ZNF804A: variants seen among roughly 807,000 people sequenced by gnomAD.
ZNF804A encodes zinc finger protein 804A.
Under a neutral mutation model 16.5 loss-of-function variants are expected in ZNF804A, and 2 were observed. That is an observed-to-expected ratio of 0.12 (90% CI 0.05 to 0.38). The LOEUF (loss-of-function observed/expected upper bound fraction) is 0.38, where lower values mean the gene tolerates loss of function less well. ZNF804A is among the 10% of genes least tolerant of loss of function. The pLI, the probability that ZNF804A is intolerant of heterozygous loss-of-function variation, is 0.99. For synonymous variants in ZNF804A, 534 were observed against 489.6 expected, an observed-to-expected ratio of 1.09 and a Z score of -1.20; for missense variants, 1,473 against 1,390.7, an observed-to-expected ratio of 1.06 and a Z score of -0.94.
rs368984918 is a variant in ZNF804A, at chr2:184,936,513, C to A, written c.1117C>A (p.Gln373Lys). Residue 373 changes from glutamine to lysine, a missense_variant, in exon 4 of 4, where the codon CAA becomes AAA. By Grantham distance (53) the Gln-to-Lys change is moderately conservative (BLOSUM62 1). Transcript: ENST00000302277. Reference protein sequence around the residue: ...LDMSNDCISVQATTEENVKHN... With the variant: ...LDMSNDCISVKATTEENVKHN... Reference sequence around the variant, plus strand: ...CATGTCTAATGATTGCATATCTGTGCAAGCTACCACAGAGGAAAATGTTAA... The same window carrying A: ...CATGTCTAATGATTGCATATCTGTGAAAGCTACCACAGAGGAAAATGTTAA... 21 of 1,613,754 alleles carry A rather than the reference C, an allele frequency of 1.3e-5. No homozygotes were observed. Among genetic ancestry groups the A allele is most frequent in the Non-Finnish European group, 1.6e-5 (19 of 1,179,926 alleles).
At chr2:184,851,806 G>C (rs367848579) in intron 1 of ZNF804A, among the ~76,000 whole-genome samples, 1 of 151,880 alleles carries the variant, frequency 6.6e-6, no homozygotes. Flanking sequence ...CCCACCAACA[G>C]AACACAAGGG....
intron 1 of ZNF804A, among the ~76,000 whole-genome samples, chr2:184,637,943 T>C (rs1033040049): frequency 6.6e-6 from 1 of 152,164 alleles, no homozygotes; most frequent in Non-Finnish European, 1.5e-5. Context: ...AACTGGAGAA[T>C]GGTGTTTTCC....
intron 1 of ZNF804A, among the ~76,000 whole-genome samples, chr2:184,713,458 C>G (rs926130132): frequency 6.6e-6 from 1 of 151,572 alleles, no homozygotes; most frequent in Non-Finnish European, 1.5e-5. Flanking sequence ...CATGAACCAT[C>G]TAAAAAAAAA....
intron 1 of ZNF804A, among the ~76,000 whole-genome samples, chr2:184,740,415 C>G (rs62176235): frequency 6.6e-6 from 1 of 152,192 alleles, no homozygotes; most frequent in African/African-American, 2.4e-5. Context: ...TTAGTGAACA[C>G]TATCCAAAGA....
chr2:184,780,445 T>G (rs1311431815), intron 1 of ZNF804A, among the ~76,000 whole-genome samples: 1 of 151,804 alleles, frequency 6.6e-6, no homozygotes, highest in African/African-American at 2.4e-5. Flanking sequence ...ATCTGAGAAC[T>G]GAAAACTGAG....
At chr2:184,662,699 G>T (rs1439103899) in intron 1 of ZNF804A, among the ~76,000 whole-genome samples, 2 of 152,088 alleles carry the variant, frequency 1.3e-5, no homozygotes, top group East Asian at 1.9e-4. Flanking sequence ...AATAATAATT[G>T]TACCTTTAAA....
chr2:184,935,662 T>C, intron 3 of ZNF804A, 121 bp from the exon 4 acceptor site: 1 of 1,178,360 alleles, frequency 8.5e-7, no homozygotes, highest in Non-Finnish European at 1.1e-6. Context: ...AAGGCAATTC[T>C]GTCACAAAGA....
chr2:184,891,498 G>T (rs758365524), intron 2 of ZNF804A, among the ~76,000 whole-genome samples: 1 of 152,076 alleles, frequency 6.6e-6, no homozygotes, highest in African/African-American at 2.4e-5. Context: ...ATAATAGAAA[G>T]AAATTACAGA....
intron 1 of ZNF804A, among the ~76,000 whole-genome samples, chr2:184,811,981 A>G (rs958927601): frequency 2.0e-5 from 3 of 152,190 alleles, no homozygotes; most frequent in African/African-American, 7.2e-5. Flanking sequence ...TCAAACATGG[A>G]CAAAGTTTTA....
At chr2:184,930,979 G>A (rs1685689222) in intron 2 of ZNF804A, among the ~76,000 whole-genome samples, 1 of 152,174 alleles carries the variant, frequency 6.6e-6, no homozygotes, top group Admixed American at 6.5e-5. Context: ...CAATCATGGT[G>A]GAAGGTGAAG....
rs147355027 is a variant in ZNF804A, at chr2:184,656,457, C to A, written c.111+57387C>A. 7.6e-3 allele frequency among the ~76,000 whole-genome samples: 1,157 copies of A among 151,984 alleles called. 19 individuals carry two copies. The highest frequency in any genetic ancestry group is 0.027 in the African/African-American group (1,100 of 41,450). ...TACCATCTGTGTGGCATGTTTACTT[C>A]TATGAAGAAATTAAGCAAAGGTGGC... On this transcript the variant is annotated intron_variant, in intron 1 of 3. Coordinates refer to ENST00000302277, the MANE Select transcript of ZNF804A (RefSeq NM_194250.2).
intron 1 of ZNF804A, among the ~76,000 whole-genome samples, chr2:184,632,460 A>C (rs1340550493): frequency 2.0e-5 from 3 of 152,260 alleles, no homozygotes; most frequent in Middle Eastern, 3.4e-3. Context: ...ACTGGAGGCA[A>C]TCTCAGCTTA....
chr2:184,648,492 AAAAC>A (rs1020344325), intron 1 of ZNF804A, among the ~76,000 whole-genome samples: 19 of 152,020 alleles, frequency 1.2e-4, no homozygotes, highest in Admixed American at 7.2e-4. Flanking sequence ...TAAAAACAAC[AAAAC>A]AAACAAACTA....
chr2:184,733,536 A>G (rs544466281), intron 1 of ZNF804A, among the ~76,000 whole-genome samples: 15 of 152,136 alleles, frequency 9.9e-5, no homozygotes, highest in African/African-American at 2.4e-4. Context: ...GGCCTCATGG[A>G]ATGGCTTAGG....
chr2:184,629,337 A>T (rs768886660), intron 1 of ZNF804A, among the ~76,000 whole-genome samples: 2 of 152,140 alleles, frequency 1.3e-5, no homozygotes, highest in Non-Finnish European at 2.9e-5. Flanking sequence ...AGGGAAACCT[A>T]TAGCCATAAA....
rs140682939 is a variant in ZNF804A, at chr2:184,678,791, A to G, written c.111+79721A>G. 9.0e-3 allele frequency among the ~76,000 whole-genome samples: 1,372 copies of G among 152,334 alleles called. 22 individuals are homozygous for G. The highest frequency in any genetic ancestry group is 0.032 in the African/African-American group (1,314 of 41,564). On this transcript the variant is annotated intron_variant, in intron 1 of 3. Coordinates refer to ENST00000302277, the MANE Select transcript of ZNF804A (RefSeq NM_194250.2). ...GAATGCTACAGACATACCAAAATGT[A>G]TGTGTAACACTATATACTGAAGAGG...
intron 1 of ZNF804A, among the ~76,000 whole-genome samples, chr2:184,757,610 T>G (rs1189177602): frequency 6.6e-6 from 1 of 152,016 alleles, no homozygotes. Context: ...TATAACACAA[T>G]GCAATCAAAT....
intron 1 of ZNF804A, among the ~76,000 whole-genome samples, chr2:184,767,285 C>G (rs1694142885): frequency 6.6e-6 from 1 of 152,082 alleles, no homozygotes; most frequent in Non-Finnish European, 1.5e-5. Flanking sequence ...GAAGGAAATT[C>G]TGAAACATTC....
intron 1 of ZNF804A, among the ~76,000 whole-genome samples, chr2:184,682,041 T>A (rs918497781): frequency 2.6e-5 from 4 of 152,158 alleles, no homozygotes; most frequent in African/African-American, 9.7e-5. Flanking sequence ...CTCAGCCCCC[T>A]CTGAAACTTT....
Sources: allele counts gnomAD v4.1 joint callset (sites outside exome capture counted in the v4.1 genomes callset), GRCh38; gene constraint gnomAD v4.1.1; transcripts MANE v1.5; gene names NCBI Gene and HGNC (gene_info 2026-07-23, HGNC 2026-07-21).